BNC2: variants seen among roughly 807,000 people sequenced by gnomAD.
The protein encoded by BNC2 is zinc finger protein basonuclin-2.
In BNC2, 20 loss-of-function variants were observed where a neutral mutation model predicts 76.3. That is an observed-to-expected ratio of 0.26 (90% CI 0.18 to 0.38). The LOEUF is 0.38. Ranked by LOEUF, BNC2 falls within the 10% of genes least tolerant of loss-of-function variation. BNC2 has a pLI of 1.00. For synonymous variants in BNC2, 582 were observed against 514.8 expected (o/e 1.13, Z -1.77); for missense variants, 1,382 against 1,399.8 (o/e 0.99, Z 0.20).
intron 3 of BNC2, among the ~76,000 whole-genome samples, chr9:16,694,924 G>C (rs184841975): frequency 1.4e-3 from 217 of 152,298 alleles, no homozygotes; most frequent in Middle Eastern, 3.4e-3. Flanking sequence ...AACTAGGGGA[G>C]ATGAAAAGCT....
intron 3 of BNC2, among the ~76,000 whole-genome samples, chr9:16,642,266 T>C (rs1298532764): frequency 1.3e-5 from 2 of 152,202 alleles, no homozygotes; most frequent in East Asian, 3.8e-4. Flanking sequence ...ACAGTATCTG[T>C]AAACATTAAC....
intron 5 of BNC2, among the ~76,000 whole-genome samples, chr9:16,447,170 T>C (rs549709902): frequency 6.6e-6 from 1 of 152,276 alleles, no homozygotes; most frequent in East Asian, 1.9e-4. Flanking sequence ...CCAGTTGATA[T>C]TCCTAGTATA....
At chr9:16,533,799 G>A (rs1226898899) in intron 5 of BNC2, among the ~76,000 whole-genome samples, 2 of 152,096 alleles carry the variant, frequency 1.3e-5, no homozygotes, top group African/African-American at 4.8e-5. Context: ...AATTAGGCAG[G>A]AAAAATATTT....
intron 3 of BNC2, among the ~76,000 whole-genome samples, chr9:16,715,231 C>T (rs1034734869): frequency 1.3e-5 from 2 of 152,170 alleles, no homozygotes; most frequent in African/African-American, 4.8e-5. Context: ...TATGCTTCTA[C>T]CTTTATTTAA....
chr9:16,441,610 T>C (rs958477852), intron 5 of BNC2, among the ~76,000 whole-genome samples: 4 of 152,234 alleles, frequency 2.6e-5, no homozygotes, highest in Admixed American at 1.3e-4. Flanking sequence ...ACGACCTCTA[T>C]GCATGGTCTA....
intron 5 of BNC2, among the ~76,000 whole-genome samples, chr9:16,550,295 A>G (rs1046616442): frequency 1.3e-5 from 2 of 152,184 alleles, no homozygotes; most frequent in Non-Finnish European, 2.9e-5. Context: ...TAGTGTTAGT[A>G]TATTTTATGT....
intron 1 of BNC2, among the ~76,000 whole-genome samples, chr9:16,759,966 G>A (rs922012318): frequency 2.6e-5 from 4 of 152,088 alleles, no homozygotes; most frequent in African/African-American, 9.7e-5. Flanking sequence ...CTCGTGATCC[G>A]CCCACCTCGG....
At chr9:16,791,070 T>C (rs1006825173) in intron 1 of BNC2, among the ~76,000 whole-genome samples, 8 of 152,094 alleles carry the variant, frequency 5.3e-5, no homozygotes, top group Admixed American at 4.6e-4. Flanking sequence ...TAGATTTTTT[T>C]TTTTCTTTTG....
At chr9:16,832,648 T>C (rs1335616441) in intron 1 of BNC2, among the ~76,000 whole-genome samples, 2 of 152,172 alleles carry the variant, frequency 1.3e-5, no homozygotes, top group Admixed American at 6.5e-5. Flanking sequence ...TATTTTTCCA[T>C]ATAGCATTTA....
intron 3 of BNC2, among the ~76,000 whole-genome samples, chr9:16,608,629 C>G (rs1156829252): frequency 2.6e-5 from 4 of 152,102 alleles, no homozygotes; most frequent in African/African-American, 9.7e-5. Flanking sequence ...CCTCAGCCTC[C>G]CAAGTACCTG....
intron 1 of BNC2, among the ~76,000 whole-genome samples, chr9:16,756,264 GATAAT>G (rs1360407705): frequency 6.6e-6 from 1 of 152,044 alleles, no homozygotes; most frequent in Non-Finnish European, 1.5e-5. Context: ...CTTCGCTGTG[GATAAT>G]ATGTCTTTTT....
At chr9:16,639,707 A>G (rs1821432769) in intron 3 of BNC2, among the ~76,000 whole-genome samples, 1 of 152,140 alleles carries the variant, frequency 6.6e-6, no homozygotes, top group African/African-American at 2.4e-5. Flanking sequence ...GCTTGAGCCC[A>G]AGAGTTTCAG....
At chr9:16,631,467 G>A (rs978418009) in intron 3 of BNC2, among the ~76,000 whole-genome samples, 4 of 152,104 alleles carry the variant, frequency 2.6e-5, no homozygotes, top group African/African-American at 9.7e-5. Context: ...TGTTAAATAC[G>A]CTTATCCACA....
intron 3 of BNC2, chr9:16,665,067 T>C: frequency 2.2e-6 from 1 of 456,250 alleles, no homozygotes; most frequent in Non-Finnish European, 4.4e-6. Context: ...GGAAGTACCT[T>C]AGAAATCATA....
intron 3 of BNC2, among the ~76,000 whole-genome samples, chr9:16,592,977 A>T (rs925946248): frequency 2.6e-5 from 4 of 152,192 alleles, no homozygotes; most frequent in Non-Finnish European, 5.9e-5. Flanking sequence ...AAAATCCAGT[A>T]CATCTTTCAA....
chr9:16,692,389 G>A (rs762732427), intron 3 of BNC2, among the ~76,000 whole-genome samples: 2 of 152,106 alleles, frequency 1.3e-5, no homozygotes, highest in African/African-American at 2.4e-5. Context: ...AATCTCTACC[G>A]CAATATCTTG....
Position 16,737,435 on chromosome 9 carries a change from A to G in BNC2, c.129+925T>C, listed in dbSNP as rs192096385. On this transcript the variant is annotated intron_variant, in intron 2 of 6. Coordinates refer to ENST00000380672, the MANE Select transcript of BNC2 (RefSeq NM_017637.6). ...CCGGCTAATTTTTTGTATTTTTAGT[A>G]GAGACGAGGTTTCACCATGTTAGCC... Among the ~76,000 whole-genome samples, 299 of 151,446 alleles carry G rather than the reference A, an allele frequency of 2.0e-3. 1 individual carries two copies. The highest frequency in any genetic ancestry group is 6.7e-3 in the African/African-American group (275 of 41,276).
chr9:16,834,686 A>C (rs1445625012), intron 1 of BNC2, among the ~76,000 whole-genome samples: 1 of 151,578 alleles, frequency 6.6e-6, no homozygotes, highest in Non-Finnish European at 1.5e-5. Flanking sequence ...CCATTTGTGA[A>C]CTCCCTACAA....
chr9:16,698,785 T>G (rs774443842), intron 3 of BNC2, among the ~76,000 whole-genome samples: 1 of 152,174 alleles, frequency 6.6e-6, no homozygotes, highest in Non-Finnish European at 1.5e-5. Flanking sequence ...CATATACATG[T>G]AACATCATCC....
Sources: gnomAD v4.1 joint callset for allele counts (sites outside exome capture counted in the v4.1 genomes callset) on GRCh38, gnomAD v4.1.1 for gene constraint, MANE v1.5 for transcripts, NCBI Gene and HGNC (gene_info 2026-07-23, HGNC 2026-07-21) for gene names.